Variants in VCL observed in about 807,000 individuals in gnomAD.
The protein encoded by VCL is epididymis luminal protein 114.
VCL carries 47 observed loss-of-function variants against 125.7 expected under a neutral mutation model. The observed-to-expected ratio is 0.37, with a 90% CI of 0.30 to 0.48. VCL has a LOEUF of 0.48. Ranked by LOEUF, VCL falls within the 20% of genes least tolerant of loss-of-function variation. VCL has a pLI of 0.99. For missense variants in VCL, 1,069 were observed against 1,455.5 expected, an observed-to-expected ratio of 0.73 and a Z score of 4.32; for synonymous variants, 458 against 514.6, an observed-to-expected ratio of 0.89 and a Z score of 1.49.
At chr10:74,019,350 T>C (rs7074651) in intron 1 of VCL, among the ~76,000 whole-genome samples, 59,248 of 152,028 alleles carry the variant, frequency 0.39, 12,671 homozygotes, top group Non-Finnish European at 0.49. Flanking sequence ...ACTCATCATC[T>C]AGGTTTTAAG....
chr10:74,084,194 GA>G (rs1839729191), intron 8 of VCL, among the ~76,000 whole-genome samples: 6 of 151,998 alleles, frequency 3.9e-5, no homozygotes, highest in Non-Finnish European at 8.8e-5. Context: ...ATTTTTAGTA[GA>G]GATGGGGTTT....
chr10:74,107,717 T>C (rs1840159902), intron 17 of VCL, among the ~76,000 whole-genome samples: 1 of 152,182 alleles, frequency 6.6e-6, no homozygotes, highest in Admixed American at 6.5e-5. Context: ...GGTGTGTTCT[T>C]AGTTGATAAT....
rs112557979 is a variant in VCL at position 74,119,512 on chromosome 10, C to CAGTA, written c.*1347_*1350dup. ...ATGGGTTTCATATTTCTTATCACCA[C>CAGTA]AGTAAGTTCCTACTAGGCAAAATGA... On this transcript the variant is annotated 3_prime_UTR_variant, in exon 22 of 22. Coordinates refer to ENST00000211998, the MANE Select transcript of VCL (RefSeq NM_014000.3). 7.9e-5 allele frequency: 12 copies of CAGTA among 152,364 alleles called. 1 individual carries two copies. Among genetic ancestry groups the CAGTA allele is most frequent in the African/African-American group, 2.4e-4 (10 of 41,578 alleles). 9.4% of individuals were successfully genotyped at this position (152,364 alleles called of 1,614,324 possible). A position where few individuals can be genotyped will look rare whatever the true frequency, so the allele number is the denominator to read the frequency against.
intron 12 of VCL, among the ~76,000 whole-genome samples, chr10:74,096,352 CAAAT>C (rs539133731): frequency 3.3e-5 from 5 of 151,696 alleles, no homozygotes; most frequent in East Asian, 1.9e-4. Flanking sequence ...GACTCCATTT[CAAAT>C]AAATAAATAA....
chr10:74,040,155 C>G (rs1451721107), intron 1 of VCL, among the ~76,000 whole-genome samples: 3 of 152,168 alleles, frequency 2.0e-5, no homozygotes, highest in African/African-American at 7.2e-5. Context: ...CCAGCCCGTA[C>G]TCTTTATTAT....
intron 1 of VCL, among the ~76,000 whole-genome samples, chr10:74,012,542 A>G (rs1316395958): frequency 3.3e-5 from 5 of 152,222 alleles, no homozygotes; most frequent in Non-Finnish European, 7.3e-5. Flanking sequence ...AACTACTACA[A>G]ATACAGTGGT....
At chr10:74,090,323 A>G (rs527691251) in intron 10 of VCL, 125 bp downstream of exon 10, 24 of 1,036,402 alleles carry the variant, frequency 2.3e-5, no homozygotes, top group Non-Finnish European at 3.5e-5. Context: ...GGTTAAATGC[A>G]CTTATGATGC....
At chr10:74,041,657 C>G (rs1321017972) in intron 1 of VCL, among the ~76,000 whole-genome samples, 1 of 151,084 alleles carries the variant, frequency 6.6e-6, no homozygotes, top group Non-Finnish European at 1.5e-5. Flanking sequence ...CTTTGGGAGG[C>G]AAGGTGGGTG....
At chr10:74,104,228 C>T (rs976816420) in intron 15 of VCL, among the ~76,000 whole-genome samples, 6 of 152,144 alleles carry the variant, frequency 3.9e-5, no homozygotes, top group Admixed American at 6.6e-5. Context: ...AGTCCGAGCC[C>T]GAGTTTGGTT....
At chr10:74,092,951 T>C (rs1839910965) in intron 10 of VCL, among the ~76,000 whole-genome samples, 1 of 152,168 alleles carries the variant, frequency 6.6e-6, no homozygotes, top group Non-Finnish European at 1.5e-5. Flanking sequence ...ACCACCCAGT[T>C]TAATCAGTTA....
chr10:74,110,904 T>C (rs1564534635), intron 18 of VCL, among the ~76,000 whole-genome samples: 1 of 152,226 alleles, frequency 6.6e-6, no homozygotes, highest in Non-Finnish European at 1.5e-5. Context: ...TGGTTCTAAA[T>C]TCATGTTCTC....
chr10:74,029,071 G>A (rs934690310), intron 1 of VCL, among the ~76,000 whole-genome samples: 1 of 151,764 alleles, frequency 6.6e-6, no homozygotes, highest in Non-Finnish European at 1.5e-5. Flanking sequence ...CACCCACTTC[G>A]GCCTCCCAAA....
chr10:74,109,936 ACCT>A (rs1456614194), intron 18 of VCL, among the ~76,000 whole-genome samples: 1 of 151,756 alleles, frequency 6.6e-6, no homozygotes, highest in Non-Finnish European at 1.5e-5. Flanking sequence ...TATTCCCACC[ACCT>A]ATTTGCCTTT....
chr10:74,017,103 A>C (rs1282986730), intron 1 of VCL, among the ~76,000 whole-genome samples: 1 of 130,724 alleles, frequency 7.6e-6, no homozygotes, highest in Non-Finnish European at 1.5e-5. Flanking sequence ...GCTGGAGTGC[A>C]GTGGCGGGAT....
rs1339111418 is a variant in VCL at position 74,118,201 on chromosome 10, C to T, written c.*32C>T. 1.2e-6 allele frequency: 2 copies of T among 1,613,802 alleles called. No homozygotes were observed. Among genetic ancestry groups the T allele is most frequent in the South Asian group, 2.2e-5 (2 of 91,066 alleles). On this transcript the variant is annotated 3_prime_UTR_variant, in exon 22 of 22. Transcript: ENST00000211998. ...GGCTGAGCCTGGCTGGCACAGAAACCTCTACTAAAAAGAAGGAAAATGATC... is the reference window on the plus strand; with the variant it reads ...GGCTGAGCCTGGCTGGCACAGAAACTTCTACTAAAAAGAAGGAAAATGATC...
At position 74,095,737 on chromosome 10, in the gene VCL, T is replaced by C. The variant is rs758114136; in HGVS notation, c.1625T>C (p.Leu542Pro). The C allele has an allele frequency of 6.2e-7, 1 of 1,614,216 alleles. No homozygotes were observed. The highest frequency in any genetic ancestry group is 8.5e-7 in the Non-Finnish European group (1 of 1,180,038). ...ATGGGGCCTTATCGGCAAGATCTTC[T>C]CGCCAAGTGTGACCGAGTGGACCAG... is the stretch of plus-strand genomic sequence containing the variant. The part of the protein sequence containing the change: ...VMMGPYRQDL[L>P]AKCDRVDQLT... Residue 542 changes from leucine (L) to proline (P), a missense_variant, in exon 12 of 22, where the codon CTC becomes CCC. Around this residue, in one of 6 missense-constraint regions of VCL, gnomAD observed 760 missense variants for 928.9 expected, o/e 0.82. Coordinates refer to ENST00000211998, the MANE Select transcript of VCL (RefSeq NM_014000.3).
At chr10:74,063,540 C>G (rs1367600109) in intron 2 of VCL, 1 of 152,202 alleles carries the variant, frequency 6.6e-6, no homozygotes, top group African/African-American at 2.4e-5. Flanking sequence ...TCTCCTGCTT[C>G]CATTGCCATG....
At chr10:74,031,642 A>G (rs1419888190) in intron 1 of VCL, among the ~76,000 whole-genome samples, 1 of 152,188 alleles carries the variant, frequency 6.6e-6, no homozygotes, top group African/African-American at 2.4e-5. Flanking sequence ...CACAAACAAC[A>G]AAAGAAGACA....
chr10:74,027,118 A>G (rs540677419), intron 1 of VCL, among the ~76,000 whole-genome samples: 1 of 152,192 alleles, frequency 6.6e-6, no homozygotes, highest in African/African-American at 2.4e-5. Flanking sequence ...GGAATGAGAA[A>G]AGCACGTTCG....
Sources: gnomAD v4.1 joint callset for allele counts (sites outside exome capture counted in the v4.1 genomes callset) on GRCh38, gnomAD v4.1.1 for gene constraint, gnomAD v4.1.1 regional missense constraint, MANE v1.5 for transcripts, NCBI Gene and HGNC (gene_info 2026-07-23, HGNC 2026-07-21) for gene names.